The following EPS8L2 variants were observed in gnomAD, a reference collection of about 807,000 sequenced individuals.
The protein encoded by EPS8L2 is EPS8 signaling adaptor L2.
A neutral mutation model predicts 99.4 loss-of-function variants in EPS8L2; 81 were observed. The ratio of observed to expected loss-of-function variants is 0.82; its 90% CI spans 0.68 to 0.98. The LOEUF (loss-of-function observed/expected upper bound fraction) is 0.98. Among genes scored for constraint, EPS8L2 ranks in the 50% least tolerant of loss-of-function variants. The probability of loss-of-function intolerance (pLI) is 0.00; values close to 1 mark genes in which losing one functional copy is unlikely to be tolerated. For missense variants in EPS8L2, 1,155 were observed against 968.8 expected, an observed-to-expected ratio of 1.19 and a Z score of -2.55; for synonymous variants, 509 against 407.3, an observed-to-expected ratio of 1.25 and a Z score of -3.01.
chr11:726,238 G>GC lies in EPS8L2; in HGVS notation c.1754-66_1754-65insC, dbSNP rs578157214. 4.9e-5 allele frequency: 77 copies of GC among 1,566,426 alleles called. 2 individuals carry two copies. The South Asian group carries it at 7.9e-4, about 16-fold the overall frequency. Reference sequence around the variant, plus strand: ...CACCTGGGGGAGGAAGTGTGGGGGGGGTCCCTGGGCCGGGGGCGGGGGCAG... The same window carrying GC: ...CACCTGGGGGAGGAAGTGTGGGGGGGCGTCCCTGGGCCGGGGGCGGGGGCAG... On this transcript the variant is annotated intron_variant, in intron 18 of 20. Transcript: ENST00000318562.
chr11:710,150 C>A, intron 3 of EPS8L2: 1 of 465,040 alleles, frequency 2.2e-6, no homozygotes, highest in Non-Finnish European at 3.9e-6. Flanking sequence ...GGACAGAAAC[C>A]CCCCGGGCAC....
chr11:726,538 C>A, intron 19 of EPS8L2, 54 bp downstream of exon 19: 1 of 1,510,406 alleles, frequency 6.6e-7, no homozygotes, highest in Admixed American at 2.2e-5. Flanking sequence ...GGAGGTGCGG[C>A]CGAAGGTGCG....
rs369906914 is a variant in EPS8L2, at chr11:723,312, G to T, written c.1413G>T (p.Pro471=). Residue 471 remains proline (P), a synonymous_variant, in exon 15 of 21, where the codon CCG becomes CCT. Coordinates refer to ENST00000318562, the MANE Select transcript of EPS8L2 (RefSeq NM_022772.4). Reference sequence around the variant, plus strand: ...GCCCCACTTCAGAGCCCACCCCCCCGGGGGATGCCCTACCACCAGTCAGCT... The same window carrying T: ...GCCCCACTTCAGAGCCCACCCCCCCTGGGGATGCCCTACCACCAGTCAGCT... ...KHSPTSEPTP[P]GDALPPVSSP... 2.0e-5 allele frequency: 32 copies of T among 1,597,288 alleles called. No homozygotes were observed. In the African/African-American group the frequency reaches 3.9e-4, roughly 20 times the overall value.
At chr11:722,273 G>C in intron 12 of EPS8L2, 108 bp downstream of exon 12, 1 of 1,534,456 alleles carries the variant, frequency 6.5e-7, no homozygotes, top group Non-Finnish European at 8.9e-7. Context: ...TGGGCAGCCC[G>C]GTTCACGCTG....
intron 4 of EPS8L2, 136 bp downstream of exon 4, chr11:710,622 G>A (rs1861861797): frequency 3.5e-6 from 3 of 860,402 alleles, no homozygotes; most frequent in Non-Finnish European, 5.6e-6. Context: ...CCTGCTACTG[G>A]GGAGGCTGAG....
intron 4 of EPS8L2, among the ~76,000 whole-genome samples, chr11:718,311 G>A (rs1862071645): frequency 6.6e-6 from 1 of 151,916 alleles, no homozygotes; most frequent in Non-Finnish European, 1.5e-5. Context: ...CCAGCCTGGG[G>A]GACAGAGCGA....
chr11:709,700 G>A, intron 3 of EPS8L2, 92 bp downstream of exon 3: 1 of 1,436,746 alleles, frequency 7.0e-7, no homozygotes. Flanking sequence ...CCACAGCTGT[G>A]CCTGGTCTGG....
At chr11:710,903 G>T (rs1310946252) in intron 4 of EPS8L2, among the ~76,000 whole-genome samples, 1 of 152,210 alleles carries the variant, frequency 6.6e-6, no homozygotes, top group Non-Finnish European at 1.5e-5. Context: ...CGGGGAAAGC[G>T]CCCCTCTGGT....
chr11:710,357 T>C, intron 3 of EPS8L2, 65 bp from the exon 4 acceptor site: 1 of 1,523,244 alleles, frequency 6.6e-7, no homozygotes, highest in Non-Finnish European at 9.1e-7. Flanking sequence ...GTGGGTCCAG[T>C]CCCAACTGGA....
chr11:722,615 G>GGGT, intron 13 of EPS8L2, 58 bp from the exon 14 acceptor site: 1 of 1,609,588 alleles, frequency 6.2e-7, no homozygotes, highest in South Asian at 1.1e-5. Context: ...GCCAGCAAGG[G>GGGT]GGTCCTGGTG....
rs567179142 is a variant in EPS8L2, at chr11:722,873, C to T, written c.1341+68C>T. 4.2e-5 allele frequency: 45 copies of T among 1,074,782 alleles called. No homozygotes were observed. In the Admixed American group the frequency reaches 9.5e-4, roughly 23 times the overall value. 66.6% of individuals were successfully genotyped at this position (1,074,782 alleles called of 1,614,324 possible). A position where few individuals can be genotyped will look rare whatever the true frequency, so the allele number is the denominator to read the frequency against. ...CCCACTCCTCACCAGAGCTCCCCCC[C>T]AGCCCTGACACCCACCCCTCCCCAG... On this transcript the variant is annotated intron_variant, in intron 14 of 20. Transcript: ENST00000318562.
intron 4 of EPS8L2, among the ~76,000 whole-genome samples, chr11:715,048 C>T (rs561407576): frequency 6.6e-6 from 1 of 152,076 alleles, no homozygotes; most frequent in Non-Finnish European, 1.5e-5. Context: ...CAAGACCATT[C>T]TGGCTAACAT....
chr11:714,230 TTTTTTC>T (rs1284170814), intron 4 of EPS8L2, among the ~76,000 whole-genome samples: 1 of 124,026 alleles, frequency 8.1e-6, no homozygotes, highest in Non-Finnish European at 1.8e-5. Context: ...TTTTCTTTTC[TTTTTTC>T]TTTTTTTTTT....
intron 3 of EPS8L2, chr11:709,826 A>C: frequency 8.4e-6 from 5 of 598,080 alleles, no homozygotes; most frequent in Admixed American, 2.9e-5. Flanking sequence ...TTTACTAATA[A>C]TTCAGGGAGC....
At chr11:707,873 C>T (rs574123984) in intron 1 of EPS8L2, among the ~76,000 whole-genome samples, 6 of 152,228 alleles carry the variant, frequency 3.9e-5, no homozygotes, top group Non-Finnish European at 5.9e-5. Flanking sequence ...ACGTGCCTGG[C>T]GCCCTTGGTG....
At chr11:710,347 G>T in intron 3 of EPS8L2, 75 bp from the exon 4 acceptor site, 1 of 1,425,116 alleles carries the variant, frequency 7.0e-7, no homozygotes, top group Non-Finnish European at 9.9e-7. Flanking sequence ...ACCTTCCCTT[G>T]TGGGTCCAGT....
chr11:725,060 T>C (rs1449926692), intron 16 of EPS8L2, among the ~76,000 whole-genome samples: 4 of 152,224 alleles, frequency 2.6e-5, no homozygotes, highest in Non-Finnish European at 5.9e-5. Flanking sequence ...CAGAGACCCC[T>C]GTGCCAGGCT....
At chr11:719,880 C>T (rs1394924951) in intron 4 of EPS8L2, among the ~76,000 whole-genome samples, 182 bp from the exon 5 acceptor site, 2 of 152,074 alleles carry the variant, frequency 1.3e-5, no homozygotes, top group Non-Finnish European at 2.9e-5. Context: ...AAGCATGGCC[C>T]CTACAGATGC....
intron 4 of EPS8L2, among the ~76,000 whole-genome samples, chr11:711,750 G>A (rs1449353905): frequency 2.6e-5 from 4 of 152,104 alleles, no homozygotes; most frequent in Non-Finnish European, 5.9e-5. Context: ...TTGGGAGGCT[G>A]AGGTGAGTGG....
Sources: allele counts gnomAD v4.1 joint callset (sites outside exome capture counted in the v4.1 genomes callset), GRCh38; gene constraint gnomAD v4.1.1; transcripts MANE v1.5; gene names NCBI Gene and HGNC (gene_info 2026-07-23, HGNC 2026-07-21).